Variants in RPL28 observed in about 807,000 individuals in gnomAD.
RPL28 encodes the protein large ribosomal subunit protein eL28.
RPL28 carries 4 observed loss-of-function variants against 12.5 expected under a neutral mutation model. The observed-to-expected ratio is 0.32, with a 90% CI of 0.16 to 0.73. RPL28 has a LOEUF of 0.73. Ranked by LOEUF, RPL28 falls within the 30% of genes least tolerant of loss-of-function variation. The probability of loss-of-function intolerance (pLI) is 0.66; values close to 1 mark genes in which losing one functional copy is unlikely to be tolerated. For missense variants in RPL28, 214 were observed against 197.7 expected, an observed-to-expected ratio of 1.08 and a Z score of -0.49; for synonymous variants, 91 against 72.5, an observed-to-expected ratio of 1.26 and a Z score of -1.30.
chr19:55,391,830 A>G lies in RPL28; in HGVS notation c.*3498A>G. 3 of 1,404,554 alleles carry G rather than the reference A, an allele frequency of 2.1e-6. No individual in the cohort carries two copies. Among genetic ancestry groups the G allele is most frequent in the Non-Finnish European group, 2.8e-6 (3 of 1,067,466 alleles). The allele number at this position is 1,404,554 out of a possible 1,614,324, so 87.0% of individuals were successfully genotyped here. A position where few individuals can be genotyped will look rare whatever the true frequency, so the allele number is the denominator to read the frequency against. ...CTTCACATGCCTATGACTAATTTGT[A>G]CACAAACTAATGCTCGTGTTTCCCA... On this transcript the variant is annotated 3_prime_UTR_variant, in exon 5 of 5. Coordinates refer to ENST00000344063, the MANE Select transcript of RPL28 (RefSeq NM_000991.5).
At chr19:55,392,738 C>T (rs2089999489), downstream of RPL28, among the ~76,000 whole-genome samples, 1 of 151,976 alleles carries the variant, frequency 6.6e-6, no homozygotes, top group African/African-American at 2.4e-5. Context: ...ACCGTGTTAG[C>T]CAGGATGGTC....
intron 3 of RPL28, chr19:55,387,348 G>T: frequency 6.4e-7 from 1 of 1,551,656 alleles, no homozygotes; most frequent in South Asian, 1.2e-5. Flanking sequence ...TTACTCAGTG[G>T]CAGCAACAAA....
chr19:55,392,882 C>T (rs1293283652), downstream of RPL28, among the ~76,000 whole-genome samples: 1 of 152,118 alleles, frequency 6.6e-6, no homozygotes, highest in African/African-American at 2.4e-5. Context: ...ACAGGAACCT[C>T]CCCCTTGCTC....
At chr19:55,401,918 T>TC (rs11393810) in intron 4 of RPL28, among the ~76,000 whole-genome samples, 152,328 of 152,330 alleles carry the variant, frequency 1, 76,163 homozygotes, top group Middle Eastern at 1. Context: ...TCATCTTTGC[T>TC]CCTGTCTCCC....
Position 55,403,105 on chromosome 19 carries a change from G to GC in RPL28, c.487_488insC (p.Asp163AlafsTer3). ...CAGCACCCTTGGCCTCCACCCACTAGATGCTAGTGGCACCCCCGAGTTGTG... is the reference window on the plus strand; with the variant it reads ...CAGCACCCTTGGCCTCCACCCACTAGCATGCTAGTGGCACCCCCGAGTTGTG... On this transcript the variant is annotated frameshift_variant, in exon 5 of 5. Transcript: ENST00000560055. LOFTEE classifies it high-confidence loss of function. The GC allele has an allele frequency of 7.5e-6, 7 of 931,166 alleles. No homozygotes were observed. The highest frequency in any genetic ancestry group is 1.2e-5 in the Non-Finnish European group (7 of 593,806). 57.7% of individuals were successfully genotyped at this position (931,166 alleles called of 1,614,324 possible).
At chr19:55,396,673 C>T (rs1452034984), downstream of RPL28, among the ~76,000 whole-genome samples, 9 of 143,756 alleles carry the variant, frequency 6.3e-5, no homozygotes, top group African/African-American at 1.3e-4. Flanking sequence ...TTCCACCTCC[C>T]GGGTTCACGC....
intron 4 of RPL28, among the ~76,000 whole-genome samples, chr19:55,402,373 A>G (rs1173133836): frequency 2.0e-5 from 3 of 152,248 alleles, no homozygotes; most frequent in Non-Finnish European, 4.4e-5. Flanking sequence ...GCAAGACACC[A>G]GGACTGCTGG....
chr19:55,401,472 T>C (rs765130126), intron 4 of RPL28: 27 of 1,607,688 alleles, frequency 1.7e-5, no homozygotes, highest in African/African-American at 2.7e-5. Context: ...TGTCCGTCTT[T>C]TTCTTGGCCG....
In RPL28 at chr19:55,391,490, C is replaced by T. The variant is rs1187202904; in HGVS notation, c.*3158C>T. On this transcript the variant is annotated 3_prime_UTR_variant, in exon 5 of 5. Coordinates refer to ENST00000344063, the MANE Select transcript of RPL28 (RefSeq NM_000991.5). ...CTGCCAAGCCCAAAGTTGTGCAGAG[C>T]GCTGGGGACTCCAGACTCCCCACAG... is the stretch of plus-strand genomic sequence containing the variant. 1.8e-5 allele frequency: 26 copies of T among 1,431,250 alleles called. No homozygotes were observed. In the East Asian group the frequency reaches 3.1e-4, roughly 17 times the overall value. The allele number at this position is 1,431,250 out of a possible 1,614,324, so 88.7% of individuals were successfully genotyped here.
At position 55,397,633 on chromosome 19, in the gene RPL28, A is replaced by G. The variant is rs538521135; in HGVS notation, c.325-5310A>G. On this transcript the variant is annotated intron_variant, in intron 4 of 4. Coordinates refer to the RPL28 transcript ENST00000560055. Reference sequence around the variant, plus strand: ...CTGATCTTGTGATCCACCCGCCTCGACCTCCCAAAGTGCTGGGATTATAGG... The same window carrying G: ...CTGATCTTGTGATCCACCCGCCTCGGCCTCCCAAAGTGCTGGGATTATAGG... Among the ~76,000 whole-genome samples the G allele has an allele frequency of 7.6e-3, 1,137 of 149,954 alleles. 18 individuals carry two copies. Among genetic ancestry groups the G allele is most frequent in the African/African-American group, 0.026 (1,060 of 40,778 alleles).
At chr19:55,386,268 C>T (rs956057968) in intron 1 of RPL28, 82 bp from the exon 2 acceptor site, 5 of 1,327,702 alleles carry the variant, frequency 3.8e-6, no homozygotes, top group South Asian at 1.2e-5. Flanking sequence ...CTCTCTTCCT[C>T]TGCTGTCCGA....
In RPL28 at chr19:55,401,599, C is replaced by T. The variant is rs534399153; in HGVS notation, c.325-1344C>T. The T allele has an allele frequency of 2.6e-4, 424 of 1,606,370 alleles. 4 individuals carry two copies. In the South Asian group the frequency reaches 2.7e-3, roughly 10 times the overall value. On this transcript the variant is annotated intron_variant, in intron 4 of 4. Transcript: ENST00000560055. Reference sequence around the variant, plus strand: ...AGCTTCAGTGCCACTGGCCAGGGCCCGACCGGCTTCGGCCCTGCCGCTGGG... The same window carrying T: ...AGCTTCAGTGCCACTGGCCAGGGCCTGACCGGCTTCGGCCCTGCCGCTGGG...
chr19:55,392,721 G>T (rs1451199926), downstream of RPL28, among the ~76,000 whole-genome samples: 1 of 151,992 alleles, frequency 6.6e-6, no homozygotes, highest in Non-Finnish European at 1.5e-5. Context: ...AGTAGAGACG[G>T]GGTTTCACCG....
chr19:55,386,337 C>G lies in RPL28; in HGVS notation c.-8-13C>G. 1 of 1,612,212 alleles carries G rather than the reference C, an allele frequency of 6.2e-7. No individual in the cohort carries two copies. Among genetic ancestry groups the G allele is most frequent in the Non-Finnish European group, 8.5e-7 (1 of 1,179,100 alleles). On this transcript the variant is annotated splice_polypyrimidine_tract_variant and intron_variant, in intron 1 of 4. Transcript: ENST00000344063. Reference sequence around the variant, plus strand: ...CTGTGTCTGACGCTTTCCCTGTGCCCGTTTCCCCGCAGCCGCCGCCATGTC... The same window carrying G: ...CTGTGTCTGACGCTTTCCCTGTGCCGGTTTCCCCGCAGCCGCCGCCATGTC...
intron 1 of RPL28, 92 bp from the exon 2 acceptor site, chr19:55,386,258 C>T: frequency 8.3e-7 from 1 of 1,211,348 alleles, no homozygotes; most frequent in Non-Finnish European, 1.2e-6. Context: ...TTCCCAGTCG[C>T]TCTCTTCCTC....
chr19:55,400,517 T>C (rs142163329), intron 4 of RPL28: 2 of 152,282 alleles, frequency 1.3e-5, no homozygotes, highest in Non-Finnish European at 1.5e-5. Context: ...CCTGACCTAA[T>C]CCGGTGAGCA....
Position 55,391,790 on chromosome 19 carries a change from C to CAG in RPL28, c.*3459_*3460insGA, listed in dbSNP as rs10626232. 1 allele frequency: 1,460,957 copies of CAG among 1,461,060 alleles called. 730,427 individuals carry two copies. The highest frequency in any genetic ancestry group is 1 in the Middle Eastern group (5,436 of 5,436). 90.5% of individuals were successfully genotyped at this position (1,461,060 alleles called of 1,614,324 possible). On this transcript the variant is annotated 3_prime_UTR_variant, in exon 5 of 5. Transcript: ENST00000344063. The stretch of plus-strand genomic sequence containing the variant: ...TATAAATATTTTGATCAGATGGACT[C>CAG]ATGATCACAGATGTCTTCACATGCC...
downstream of RPL28, among the ~76,000 whole-genome samples, chr19:55,396,013 C>G (rs984518580): frequency 1.1e-4 from 16 of 152,054 alleles, no homozygotes; most frequent in Non-Finnish European, 2.9e-5. Context: ...CGCGGTGGCA[C>G]ATGCCTGTTA....
At chr19:55,393,891 C>T (rs569522105), downstream of RPL28, among the ~76,000 whole-genome samples, 1 of 152,066 alleles carries the variant, frequency 6.6e-6, no homozygotes, top group East Asian at 2.0e-4. Context: ...CTCAGGTGAT[C>T]TGCCTGTGTT....
Sources: allele counts gnomAD v4.1 joint callset (sites outside exome capture counted in the v4.1 genomes callset), GRCh38; gene constraint gnomAD v4.1.1; transcripts MANE v1.5; gene names NCBI Gene and HGNC (gene_info 2026-07-23, HGNC 2026-07-21).